Variants in LRBA observed in about 807,000 individuals in gnomAD.
The protein encoded by LRBA is LPS responsive beige-like anchor protein.
LRBA carries 176 observed loss-of-function variants against 330.0 expected under a neutral mutation model. The ratio of observed to expected loss-of-function variants is 0.53; its 90% CI spans 0.47 to 0.60. The LOEUF is 0.60. Ranked by LOEUF, LRBA falls within the 20% of genes least tolerant of loss-of-function variation. LRBA has a pLI of 0.00. For missense variants in LRBA, 3,259 were observed against 3,444.8 expected, an observed-to-expected ratio of 0.95 and a Z score of 1.35; for synonymous variants, 1,230 against 1,193.0, an observed-to-expected ratio of 1.03 and a Z score of -0.64.
chr4:150,867,874 T>C lies in LRBA; in HGVS notation c.2574-11A>G, dbSNP rs1024146162. 2 of 1,595,418 alleles carry C rather than the reference T, an allele frequency of 1.3e-6. No individual in the cohort carries two copies. The highest frequency in any genetic ancestry group is 2.7e-5 in the African/African-American group (2 of 74,236). On this transcript the variant is annotated splice_polypyrimidine_tract_variant and intron_variant, in intron 21 of 56. Transcript: ENST00000651943. Reference sequence around the variant, plus strand: ...CATTGTAGCAAGCTCCTGAAAATTATGAGAGGGTACTAAATTACTGAAGAA... The same window carrying C: ...CATTGTAGCAAGCTCCTGAAAATTACGAGAGGGTACTAAATTACTGAAGAA...
At chr4:150,309,288 T>C (rs543638446) in intron 52 of LRBA, among the ~76,000 whole-genome samples, 5 of 152,226 alleles carry the variant, frequency 3.3e-5, no homozygotes, top group South Asian at 2.1e-4. Flanking sequence ...CTAGGAGCAA[T>C]AGGTGACCCC....
chr4:150,834,530 A>C (rs1747703281), intron 28 of LRBA, among the ~76,000 whole-genome samples: 1 of 152,236 alleles, frequency 6.6e-6, no homozygotes, highest in African/African-American at 2.4e-5. Flanking sequence ...TTTTCTTCTG[A>C]ACAGCAGGTC....
chr4:150,807,605 C>A (rs1228002714), intron 32 of LRBA, among the ~76,000 whole-genome samples: 1 of 150,480 alleles, frequency 6.6e-6, no homozygotes, highest in Non-Finnish European at 1.5e-5. Context: ...CTTTGGCTGA[C>A]TGGCTATCAC....
chr4:150,872,674 A>G lies in LRBA; in HGVS notation c.2247T>C (p.His749=). 6.2e-7 allele frequency: 1 copy of G among 1,606,924 alleles called. No individual in the cohort carries two copies. Among genetic ancestry groups the G allele is most frequent in the Non-Finnish European group, 8.5e-7 (1 of 1,175,034 alleles). ...ALKAMGYFLK[H]LAPKRKAEVM... ...TTCGGCATACTTACTTTGGGGCCAG[A>G]TGTTTTAAAAAATAACCCATTGCCT... The change falls in exon 18 of 57, where the codon CAT becomes CAC. Residue 749 remains histidine (H), a synonymous_variant. Transcript: ENST00000651943.
intron 36 of LRBA, among the ~76,000 whole-genome samples, chr4:150,700,833 C>G (rs1785051213): frequency 6.6e-6 from 1 of 150,712 alleles, no homozygotes; most frequent in African/African-American, 2.5e-5. Flanking sequence ...TCACAGCTAA[C>G]TACAGCCTCA....
intron 46 of LRBA, among the ~76,000 whole-genome samples, chr4:150,418,637 T>A (rs542069332): frequency 6.6e-6 from 1 of 152,306 alleles, no homozygotes; most frequent in South Asian, 2.1e-4. Context: ...AATTAAAAAT[T>A]AGCTTTCAAC....
At chr4:150,824,763 A>G (rs1055512943) in intron 30 of LRBA, among the ~76,000 whole-genome samples, 2 of 152,090 alleles carry the variant, frequency 1.3e-5, no homozygotes, top group African/African-American at 2.4e-5. Context: ...AATCCCACTC[A>G]TTATGCATCA....
intron 44 of LRBA, among the ~76,000 whole-genome samples, chr4:150,440,275 G>A (rs945539221): frequency 6.6e-6 from 1 of 152,012 alleles, no homozygotes; most frequent in African/African-American, 2.4e-5. Flanking sequence ...ATAATTCCAG[G>A]TAAACACAAA....
chr4:150,808,309 A>G lies in LRBA; in HGVS notation c.5384+11T>C. The G allele has an allele frequency of 1.3e-6, 2 of 1,589,988 alleles. No individual in the cohort carries two copies. The highest frequency in any genetic ancestry group is 1.7e-6 in the Non-Finnish European group (2 of 1,160,596). ...TATAAATCACAATATTCAAGTTAGT[A>G]GCTTAAATACCTCATATTTGAAACC... On this transcript the variant is annotated intron_variant, in intron 32 of 56. Coordinates refer to ENST00000651943, the MANE Select transcript of LRBA (RefSeq NM_001364905.1).
Position 150,538,814 on chromosome 4 carries a change from C to CAA in LRBA, c.6331-47781_6331-47780dup, listed in dbSNP as rs35022729. The stretch of plus-strand genomic sequence containing the variant: ...CGGATTACAGAGTGAGGCCCTGTCT[C>CAA]AAAAAAAAAAAAAAAACAAAAAACT... On this transcript the variant is annotated intron_variant, in intron 40 of 56. Transcript: ENST00000651943. 4.7e-3 allele frequency among the ~76,000 whole-genome samples: 480 copies of CAA among 101,240 alleles called. 1 individual carries two copies. Among genetic ancestry groups the CAA allele is most frequent in the African/African-American group, 0.012 (356 of 28,756 alleles). The allele number at this position is 101,240 out of a possible 152,430, so 66.4% of individuals were successfully genotyped here. A position where few individuals can be genotyped will look rare whatever the true frequency, so the allele number is the denominator to read the frequency against.
At chr4:150,733,961 C>T (rs1730855343) in intron 36 of LRBA, among the ~76,000 whole-genome samples, 1 of 152,104 alleles carries the variant, frequency 6.6e-6, no homozygotes, top group African/African-American at 2.4e-5. Context: ...AATCTTCTTT[C>T]TTTCTTTACT....
At chr4:150,582,951 G>A in intron 40 of LRBA, 2 of 1,498,864 alleles carry the variant, frequency 1.3e-6, no homozygotes, top group Non-Finnish European at 1.8e-6. Flanking sequence ...AAAGCCGCTG[G>A]GCCACCACCA....
At chr4:150,683,468 C>A in intron 37 of LRBA, 83 bp downstream of exon 37, 1 of 1,072,812 alleles carries the variant, frequency 9.3e-7, no homozygotes, top group Non-Finnish European at 1.4e-6. Flanking sequence ...CTTCATCTGG[C>A]TTTGATCATA....
intron 2 of LRBA, among the ~76,000 whole-genome samples, chr4:150,985,523 G>A (rs988092551): frequency 2.0e-5 from 3 of 150,400 alleles, no homozygotes; most frequent in African/African-American, 7.3e-5. Context: ...AATTGAGATG[G>A]AGTCTCGCTC....
chr4:150,671,897 C>T (rs916960126), intron 37 of LRBA, among the ~76,000 whole-genome samples: 2 of 152,110 alleles, frequency 1.3e-5, no homozygotes, highest in African/African-American at 4.8e-5. Flanking sequence ...ACAACTATTG[C>T]AAATTGTTGA....
intron 40 of LRBA, among the ~76,000 whole-genome samples, chr4:150,543,327 T>C (rs1339315136): frequency 6.6e-6 from 1 of 152,200 alleles, no homozygotes; most frequent in African/African-American, 2.4e-5. Flanking sequence ...TGTCCAGGAA[T>C]AACATTTCAC....
chr4:150,286,226 G>A lies in LRBA; in HGVS notation c.8018-192C>T, dbSNP rs569728782. 1.9e-3 allele frequency among the ~76,000 whole-genome samples: 286 copies of A among 152,270 alleles called. 1 individual carries two copies. The highest frequency in any genetic ancestry group is 6.7e-3 in the African/African-American group (279 of 41,564). Reference sequence around the variant, plus strand: ...TATGAGGGCCACATCCTGCTAAAATGTCAAGTAACCTTTATGTGATTATCA... The same window carrying A: ...TATGAGGGCCACATCCTGCTAAAATATCAAGTAACCTTTATGTGATTATCA... On this transcript the variant is annotated intron_variant, in intron 53 of 56. Transcript: ENST00000651943.
At position 150,354,361 on chromosome 4, in the gene LRBA, G is replaced by A. The variant is rs570509019; in HGVS notation, c.7195-4202C>T. ...TTTTTCAAAGCCTTCAAAACCGACAGTCCTCATTAAGCCTGGAGTTAAATA... is the reference window on the plus strand; with the variant it reads ...TTTTTCAAAGCCTTCAAAACCGACAATCCTCATTAAGCCTGGAGTTAAATA... On this transcript the variant is annotated intron_variant, in intron 47 of 56. Coordinates refer to ENST00000651943, the MANE Select transcript of LRBA (RefSeq NM_001364905.1). 4.6e-5 allele frequency among the ~76,000 whole-genome samples: 7 copies of A among 152,142 alleles called. No individual in the cohort carries two copies. The South Asian group carries it at 1.5e-3, about 32-fold the overall frequency.
intron 34 of LRBA, among the ~76,000 whole-genome samples, chr4:150,790,834 T>C (rs1739797046): frequency 6.6e-6 from 1 of 152,192 alleles, no homozygotes; most frequent in Non-Finnish European, 1.5e-5. Context: ...GCTTTGTATA[T>C]TATAAGAACA....
Sources: allele counts gnomAD v4.1 joint callset (sites outside exome capture counted in the v4.1 genomes callset), GRCh38; gene constraint gnomAD v4.1.1; transcripts MANE v1.5; gene names NCBI Gene and HGNC (gene_info 2026-07-23, HGNC 2026-07-21).